The following HDAC9 variants were observed in gnomAD, a reference collection of about 807,000 sequenced individuals.
The protein encoded by HDAC9 is histone deacetylase 9.
Under a neutral mutation model 139.4 loss-of-function variants are expected in HDAC9, and 41 were observed. The ratio of observed to expected loss-of-function variants is 0.29; its 90% CI spans 0.23 to 0.38. The LOEUF (loss-of-function observed/expected upper bound fraction) is 0.38. Among genes scored for constraint, HDAC9 ranks in the 10% least tolerant of loss-of-function variants. HDAC9 has a pLI of 1.00. For synonymous variants in HDAC9, 517 were observed against 476.2 expected, an observed-to-expected ratio of 1.09 and a Z score of -1.12; for missense variants, 1,147 against 1,297.0, an observed-to-expected ratio of 0.88 and a Z score of 1.78.
chr7:18,756,270 CA>C (rs1788868361), intron 14 of HDAC9, among the ~76,000 whole-genome samples: 1 of 152,112 alleles, frequency 6.6e-6, no homozygotes, highest in Non-Finnish European at 1.5e-5. Flanking sequence ...GGGAAAGTAA[CA>C]GAAGTAAGCA....
intron 12 of HDAC9, among the ~76,000 whole-genome samples, chr7:18,683,263 A>G (rs558817941): frequency 5.9e-5 from 9 of 151,666 alleles, no homozygotes; most frequent in Non-Finnish European, 1.3e-4. Flanking sequence ...TTTTATTTGC[A>G]CATTGTCCTA....
chr7:18,180,373 A>G (rs1789324554), intron 2 of HDAC9, among the ~76,000 whole-genome samples: 1 of 151,006 alleles, frequency 6.6e-6, no homozygotes, highest in Non-Finnish European at 1.5e-5. Context: ...TGTGCTAGCA[A>G]CTTTGTTTTG....
At chr7:18,624,668 T>C (rs1302191801) in intron 6 of HDAC9, among the ~76,000 whole-genome samples, 3 of 151,996 alleles carry the variant, frequency 2.0e-5, no homozygotes, top group Admixed American at 2.0e-4. Context: ...TCTTCAGCCT[T>C]TGGGGAGACC....
chr7:18,394,184 T>C (rs1309254234), intron 1 of HDAC9, among the ~76,000 whole-genome samples: 1 of 152,196 alleles, frequency 6.6e-6, no homozygotes, highest in African/African-American at 2.4e-5. Context: ...AGAAAGAGGC[T>C]ATCCTTTACA....
rs1333263077 is a variant in HDAC9, at chr7:18,445,199, T to A, written c.-41-51063T>A. On this transcript the variant is annotated intron_variant, in intron 1 of 3. Coordinates refer to the HDAC9 transcript ENST00000413509. The stretch of plus-strand genomic sequence containing the variant: ...TCATGGCAACAGATTACCTACTTAA[T>A]CAACTGTAATCAACTTTTAGTAATT... 1.2e-4 allele frequency among the ~76,000 whole-genome samples: 19 copies of A among 152,182 alleles called. 1 individual carries two copies. The highest frequency in any genetic ancestry group is 1.2e-3 in the Admixed American group (19 of 15,286).
intron 1 of HDAC9, among the ~76,000 whole-genome samples, chr7:18,452,756 T>C (rs1200573966): frequency 1.3e-5 from 2 of 152,158 alleles, no homozygotes; most frequent in Non-Finnish European, 2.9e-5. Flanking sequence ...GCACATGCTC[T>C]CTTGCCTGCC....
intron 1 of HDAC9, among the ~76,000 whole-genome samples, chr7:18,106,713 C>T (rs1783229981): frequency 6.6e-6 from 1 of 152,204 alleles, no homozygotes; most frequent in Admixed American, 6.5e-5. Context: ...TGCAGCCTCC[C>T]AGTGTGCTGG....
intron 17 of HDAC9, among the ~76,000 whole-genome samples, chr7:18,795,257 T>TAAAAAAAAAAAAA (rs5882676): frequency 6.6e-4 from 43 of 65,498 alleles, no homozygotes; most frequent in African/African-American, 2.8e-3. Flanking sequence ...AAGAAAACAG[T>TAAAAAAAAAAAAA]AAAAAAAAAA....
intron 19 of HDAC9, among the ~76,000 whole-genome samples, chr7:18,831,541 G>C (rs1479220877): frequency 6.6e-6 from 1 of 152,036 alleles, no homozygotes; most frequent in East Asian, 1.9e-4. Context: ...AGAAGTTTTT[G>C]TTTCAAATTA....
chr7:18,854,145 G>C (rs955821901), intron 21 of HDAC9, among the ~76,000 whole-genome samples: 1 of 152,096 alleles, frequency 6.6e-6, no homozygotes, highest in Non-Finnish European at 1.5e-5. Flanking sequence ...ATTGCTATGT[G>C]GGAAGACTTC....
intron 1 of HDAC9, among the ~76,000 whole-genome samples, chr7:18,323,910 CTGCT>C (rs1800233529): frequency 6.6e-6 from 1 of 151,582 alleles, no homozygotes; most frequent in Non-Finnish European, 1.5e-5. Flanking sequence ...TAGGAAGGAC[CTGCT>C]TCCTGGCTTA....
intron 2 of HDAC9, among the ~76,000 whole-genome samples, chr7:18,504,457 A>C (rs1799207561): frequency 6.6e-6 from 1 of 152,136 alleles, no homozygotes; most frequent in Admixed American, 6.6e-5. Flanking sequence ...GGCATGTGCC[A>C]CCATGCCTGA....
intron 6 of HDAC9, among the ~76,000 whole-genome samples, chr7:18,620,802 A>G (rs10282189): frequency 0.025 from 3,841 of 152,144 alleles, 164 homozygotes; most frequent in African/African-American, 0.088. Context: ...GATGCTTCCA[A>G]TGACTTGGTA....
chr7:18,525,230 T>C (rs1586667348), intron 2 of HDAC9, among the ~76,000 whole-genome samples: 3 of 152,116 alleles, frequency 2.0e-5, no homozygotes, highest in African/African-American at 7.2e-5. Context: ...TGAAAAAACA[T>C]GTAATGACTT....
intron 21 of HDAC9, among the ~76,000 whole-genome samples, chr7:18,871,583 A>G (rs180780024): frequency 2.6e-5 from 4 of 152,320 alleles, no homozygotes; most frequent in Admixed American, 2.6e-4. Context: ...AGAGGCAAAC[A>G]TGTATTCTTT....
chr7:18,687,669 C>T (rs1405072622), intron 12 of HDAC9, among the ~76,000 whole-genome samples: 2 of 151,794 alleles, frequency 1.3e-5, no homozygotes, highest in African/African-American at 4.8e-5. Flanking sequence ...AAGGAGGTGA[C>T]CTCAAAGACC....
intron 12 of HDAC9, among the ~76,000 whole-genome samples, chr7:18,683,052 A>C (rs1782002635): frequency 6.6e-6 from 1 of 152,062 alleles, no homozygotes; most frequent in Admixed American, 6.6e-5. Context: ...ATAGGTATTA[A>C]AATGGTACAA....
chr7:18,559,176 T>G lies in HDAC9; in HGVS notation c.23-26105T>G, dbSNP rs186976573. ...CATTAGTCTGTACACCTCCAGAATA[T>G]TCCTTCTGAATTCCAACTAGGTGTC... On this transcript the variant is annotated intron_variant, in intron 2 of 25. Transcript: ENST00000686413. Among the ~76,000 whole-genome samples the G allele has an allele frequency of 3.3e-5, 5 of 152,284 alleles. No individual in the cohort carries two copies. In the East Asian group the frequency reaches 9.6e-4, roughly 29 times the overall value.
At chr7:18,186,764 G>A (rs1238466208) in intron 2 of HDAC9, among the ~76,000 whole-genome samples, 1 of 152,250 alleles carries the variant, frequency 6.6e-6, no homozygotes, top group Non-Finnish European at 1.5e-5. Context: ...TCAAAGGACA[G>A]ATGATCAAAT....
Sources: gnomAD v4.1 joint callset for allele counts (sites outside exome capture counted in the v4.1 genomes callset) on GRCh38, gnomAD v4.1.1 for gene constraint, MANE v1.5 for transcripts, NCBI Gene and HGNC (gene_info 2026-07-23, HGNC 2026-07-21) for gene names.